The following DLGAP1 variants were observed in gnomAD, a reference collection of about 807,000 sequenced individuals.
DLGAP1 encodes DLG associated protein 1, also known as disks large-associated protein 1.
In DLGAP1, 11 loss-of-function variants were observed where a neutral mutation model predicts 90.8. The observed-to-expected ratio is 0.12, with a 90% confidence interval of 0.08 to 0.20. DLGAP1 has a LOEUF of 0.20. Ranked by LOEUF, DLGAP1 falls within the 10% of genes least tolerant of loss-of-function variation. DLGAP1 has a pLI of 1.00. For missense variants in DLGAP1, 1,050 were observed against 1,333.8 expected (o/e 0.79, Z 3.31); for synonymous variants, 558 against 540.7 (o/e 1.03, Z -0.44).
At chr18:3,605,814 A>G (rs2057299445) in intron 7 of DLGAP1, among the ~76,000 whole-genome samples, 2 of 70,516 alleles carry the variant, frequency 2.8e-5, no homozygotes, top group Admixed American at 1.2e-4. Context: ...GGAGCTTTTT[A>G]GCGGCAGGAG....
chr18:3,781,421 G>GT (rs2065186924), intron 5 of DLGAP1, among the ~76,000 whole-genome samples: 5 of 149,850 alleles, frequency 3.3e-5, no homozygotes. Context: ...GTGCGATCTT[G>GT]GCTCACTGCA....
At chr18:3,520,295 T>C (rs1364679251) in intron 10 of DLGAP1, among the ~76,000 whole-genome samples, 1 of 152,206 alleles carries the variant, frequency 6.6e-6, no homozygotes, top group Non-Finnish European at 1.5e-5. Flanking sequence ...CTTCTGCCAG[T>C]GCCTTACCTG....
chr18:4,004,988 G>A (rs906854733), intron 3 of DLGAP1, 128 bp downstream of exon 3: 27 of 151,860 alleles, frequency 1.8e-4, no homozygotes, highest in African/African-American at 6.3e-4. Flanking sequence ...GATTCGGGAG[G>A]CGTAGTGGGA....
rs559259501 is a variant in DLGAP1 at position 3,736,798 on chromosome 18, CA to C, written c.1350+5536del. ...AGCAGAACTGAAGGAAATAGAGACA[CA>C]AAAAACCCTTCAAAAAATTAATGAA... On this transcript the variant is annotated intron_variant, in intron 6 of 12. Coordinates refer to ENST00000315677, the MANE Select transcript of DLGAP1 (RefSeq NM_004746.4). Among the ~76,000 whole-genome samples the C allele has an allele frequency of 6.6e-3, 992 of 151,236 alleles. 8 individuals are homozygous for C. The highest frequency in any genetic ancestry group is 0.022 in the African/African-American group (906 of 41,192).
chr18:3,867,648 A>G (rs996525224), intron 4 of DLGAP1, among the ~76,000 whole-genome samples: 1 of 152,194 alleles, frequency 6.6e-6, no homozygotes, highest in Non-Finnish European at 1.5e-5. Context: ...GGGGCCTCGT[A>G]GGCAAAAGAG....
At chr18:4,347,699 G>A (rs1262098448) in intron 1 of DLGAP1, among the ~76,000 whole-genome samples, 1 of 151,890 alleles carries the variant, frequency 6.6e-6, no homozygotes, top group Non-Finnish European at 1.5e-5. Context: ...GCTAAAATTG[G>A]TATTTTAATT....
chr18:3,741,124 C>CCATCACCACCACCAT (rs1568048628), intron 6 of DLGAP1, among the ~76,000 whole-genome samples: 3 of 109,022 alleles, frequency 2.8e-5, no homozygotes, highest in African/African-American at 1.0e-4. Context: ...ACCACCATCA[C>CCATCACCACCACCAT]CACCACCACC....
intron 5 of DLGAP1, among the ~76,000 whole-genome samples, chr18:3,780,999 T>A (rs1225801642): frequency 1.3e-5 from 2 of 152,036 alleles, no homozygotes; most frequent in Non-Finnish European, 2.9e-5. Flanking sequence ...TTTAAAAACG[T>A]TTTTTGTAGA....
intron 4 of DLGAP1, among the ~76,000 whole-genome samples, chr18:3,835,688 A>G (rs2068335968): frequency 1.3e-5 from 2 of 152,038 alleles, no homozygotes; most frequent in African/African-American, 4.8e-5. Flanking sequence ...TTTCTAACAT[A>G]AAAGCTATAG....
chr18:3,651,844 A>G (rs7407612), intron 7 of DLGAP1, among the ~76,000 whole-genome samples: 52,727 of 150,308 alleles, frequency 0.35, 11,110 homozygotes, highest in African/African-American at 0.61. Context: ...GGTGGCGGGC[A>G]CCTGTAATCC....
At chr18:3,692,525 C>T (rs1468818716) in intron 7 of DLGAP1, among the ~76,000 whole-genome samples, 1 of 152,176 alleles carries the variant, frequency 6.6e-6, no homozygotes, top group Non-Finnish European at 1.5e-5. Context: ...ATAAGCTCTT[C>T]AAGGTTGTTC....
At chr18:4,018,139 T>C (rs947229340) in intron 2 of DLGAP1, among the ~76,000 whole-genome samples, 3 of 152,226 alleles carry the variant, frequency 2.0e-5, no homozygotes, top group Non-Finnish European at 4.4e-5. Flanking sequence ...TGTGGTTTAC[T>C]CTGACTTAGG....
At chr18:3,807,229 G>A (rs2066608488) in intron 5 of DLGAP1, among the ~76,000 whole-genome samples, 1 of 152,182 alleles carries the variant, frequency 6.6e-6, no homozygotes, top group Admixed American at 6.5e-5. Flanking sequence ...TGTTTTGAAT[G>A]TCTGTTTTTC....
At chr18:3,941,049 G>A (rs528538688) in intron 3 of DLGAP1, among the ~76,000 whole-genome samples, 9 of 152,232 alleles carry the variant, frequency 5.9e-5, no homozygotes, top group East Asian at 1.9e-4. Context: ...AGAGAGCCAC[G>A]AATATAAAAT....
intron 1 of DLGAP1, among the ~76,000 whole-genome samples, chr18:4,444,372 G>C (rs978478175): frequency 1.3e-5 from 2 of 152,182 alleles, no homozygotes; most frequent in Non-Finnish European, 1.5e-5. Flanking sequence ...TCCTTGGGGA[G>C]AGAGTCATGA....
At chr18:3,560,136 A>G (rs950274150) in intron 9 of DLGAP1, among the ~76,000 whole-genome samples, 1 of 151,670 alleles carries the variant, frequency 6.6e-6, no homozygotes, top group African/African-American at 2.4e-5. Flanking sequence ...AATGAGAAAA[A>G]TGGGCCAGGC....
At chr18:3,555,975 A>G (rs958019915) in intron 9 of DLGAP1, among the ~76,000 whole-genome samples, 2 of 152,092 alleles carry the variant, frequency 1.3e-5, no homozygotes, top group Non-Finnish European at 2.9e-5. Flanking sequence ...CTTTAGAGAG[A>G]TTCTATTTGA....
chr18:3,822,044 C>T, intron 4 of DLGAP1: 1 of 776,150 alleles, frequency 1.3e-6, no homozygotes, highest in Non-Finnish European at 1.6e-6. Flanking sequence ...AAAAAAAGAG[C>T]AAGAATAGGA....
intron 9 of DLGAP1, among the ~76,000 whole-genome samples, chr18:3,535,860 C>T (rs564794475): frequency 3.9e-5 from 6 of 151,940 alleles, no homozygotes; most frequent in Non-Finnish European, 5.9e-5. Context: ...GGAATAATCC[C>T]GTCTCTACTA....
Sources: gnomAD v4.1 joint callset for allele counts (sites outside exome capture counted in the v4.1 genomes callset) on GRCh38, gnomAD v4.1.1 for gene constraint, MANE v1.5 for transcripts, NCBI Gene and HGNC (gene_info 2026-07-23, HGNC 2026-07-21) for gene names.